Variants in PSD3 observed in about 807,000 individuals in gnomAD.
The protein encoded by PSD3 is PH and SEC7 domain-containing protein 3.
In PSD3, 49 loss-of-function variants were observed where a neutral mutation model predicts 105.5. That is an observed-to-expected ratio of 0.46 (90% CI 0.37 to 0.59). The LOEUF is 0.59. Among genes scored for constraint, PSD3 ranks in the 20% least tolerant of loss-of-function variants. PSD3 has a pLI of 0.00. For missense variants in PSD3, 1,561 were observed against 1,263.8 expected (o/e 1.24, Z -3.57); for synonymous variants, 557 against 457.8 (o/e 1.22, Z -2.77).
intron 1 of PSD3, among the ~76,000 whole-genome samples, chr8:18,993,155 C>T (rs2114496): frequency 0.45 from 67,845 of 151,674 alleles, 15,566 homozygotes; most frequent in Non-Finnish European, 0.51. Context: ...CTGTAGTCCT[C>T]AGAGAAAGAC....
At chr8:18,800,254 T>C (rs1303033826) in intron 7 of PSD3, among the ~76,000 whole-genome samples, 1 of 152,196 alleles carries the variant, frequency 6.6e-6, no homozygotes, top group Non-Finnish European at 1.5e-5. Flanking sequence ...GGCCCACTTT[T>C]ATCTCCTTCA....
intron 1 of PSD3, among the ~76,000 whole-genome samples, chr8:19,073,982 A>G (rs7002112): frequency 0.72 from 109,169 of 151,550 alleles, 39,899 homozygotes; most frequent in East Asian, 0.81. Flanking sequence ...AGTAGAGACG[A>G]GGTTTCACCG....
Position 18,739,043 on chromosome 8 carries a change from G to A in PSD3, c.2172+26406C>T, listed in dbSNP as rs143052920. Among the ~76,000 whole-genome samples, 206 of 152,212 alleles carry A rather than the reference G, an allele frequency of 1.4e-3. No individual in the cohort carries two copies. The Middle Eastern group carries it at 0.014, about 10-fold the overall frequency. On this transcript the variant is annotated intron_variant, in intron 9 of 15. Transcript: ENST00000327040. Reference sequence around the variant, plus strand: ...ACAACTTGGACTAAAGGCGGATTTCGCCTAGTGATTTAATTAATAAACATG... The same window carrying A: ...ACAACTTGGACTAAAGGCGGATTTCACCTAGTGATTTAATTAATAAACATG...
intron 9 of PSD3, chr8:18,720,893 A>T (rs189904171): frequency 2.6e-5 from 4 of 152,238 alleles, no homozygotes; most frequent in African/African-American, 9.6e-5. Context: ...TTCCTATTTG[A>T]TATCACTCTC....
chr8:18,983,356 C>T (rs987174297), intron 1 of PSD3, among the ~76,000 whole-genome samples: 1 of 152,236 alleles, frequency 6.6e-6, no homozygotes, highest in African/African-American at 2.4e-5. Flanking sequence ...CACATATTCA[C>T]TGAAGAAGCA....
intron 9 of PSD3, among the ~76,000 whole-genome samples, chr8:18,747,480 G>A (rs1047136992): frequency 1.3e-5 from 2 of 152,184 alleles, no homozygotes; most frequent in African/African-American, 4.8e-5. Context: ...AACAGGAAGA[G>A]AAAACTACAG....
intron 1 of PSD3, among the ~76,000 whole-genome samples, chr8:19,034,680 T>C (rs1049176058): frequency 6.6e-6 from 1 of 152,194 alleles, no homozygotes; most frequent in Non-Finnish European, 1.5e-5. Flanking sequence ...GTAGCCAGAC[T>C]TGCAGAAGGG....
intron 9 of PSD3, among the ~76,000 whole-genome samples, chr8:18,736,503 A>C (rs184956981): frequency 6.6e-6 from 1 of 152,216 alleles, no homozygotes; most frequent in Non-Finnish European, 1.5e-5. Context: ...ACTGTTTACT[A>C]AAACTAGAGT....
chr8:18,858,034 C>T (rs1279962494), intron 4 of PSD3, among the ~76,000 whole-genome samples: 1 of 152,212 alleles, frequency 6.6e-6, no homozygotes, highest in Non-Finnish European at 1.5e-5. Flanking sequence ...TATTTACCTT[C>T]CCTTGCACCA....
At chr8:18,941,050 T>C (rs956112011) in intron 1 of PSD3, among the ~76,000 whole-genome samples, 4 of 152,200 alleles carry the variant, frequency 2.6e-5, no homozygotes, top group Non-Finnish European at 5.9e-5. Context: ...CTCCAATAAT[T>C]AATGCAGGTC....
At chr8:18,677,048 G>T (rs1318263266) in intron 9 of PSD3, among the ~76,000 whole-genome samples, 3 of 152,196 alleles carry the variant, frequency 2.0e-5, no homozygotes, top group Non-Finnish European at 4.4e-5. Flanking sequence ...AAATTCAAGG[G>T]TCAAGAAATA....
chr8:19,055,933 C>T (rs1332677772), intron 1 of PSD3, among the ~76,000 whole-genome samples: 1 of 152,226 alleles, frequency 6.6e-6, no homozygotes, highest in Non-Finnish European at 1.5e-5. Flanking sequence ...ACACTACTTT[C>T]CCAGGTTATC....
At chr8:18,719,892 T>C (rs2098525206) in intron 9 of PSD3, among the ~76,000 whole-genome samples, 1 of 152,200 alleles carries the variant, frequency 6.6e-6, no homozygotes, top group African/African-American at 2.4e-5. Flanking sequence ...TTCTTTTGTA[T>C]ATCAGGCTCT....
chr8:18,652,109 G>C (rs530717023), intron 10 of PSD3, among the ~76,000 whole-genome samples: 2 of 152,298 alleles, frequency 1.3e-5, no homozygotes, highest in African/African-American at 4.8e-5. Context: ...ATCCAGGTAA[G>C]CCGGAAACGC....
At chr8:18,940,819 C>T (rs924469243) in intron 1 of PSD3, among the ~76,000 whole-genome samples, 1 of 152,188 alleles carries the variant, frequency 6.6e-6, no homozygotes, top group Admixed American at 6.5e-5. Context: ...GCATGGAGAT[C>T]TATCCGTCTT....
intron 15 of PSD3, among the ~76,000 whole-genome samples, chr8:18,544,433 T>C (rs1356210488): frequency 6.6e-6 from 1 of 151,864 alleles, no homozygotes; most frequent in East Asian, 1.9e-4. Flanking sequence ...AGGTTTTTTT[T>C]TTTTTCTTTT....
chr8:19,006,712 C>T (rs568536223), intron 1 of PSD3, among the ~76,000 whole-genome samples: 49 of 152,146 alleles, frequency 3.2e-4, no homozygotes, highest in African/African-American at 1.1e-3. Flanking sequence ...CCACTGGACA[C>T]GGGCACCTTC....
At chr8:18,980,619 C>G (rs1420086803) in intron 1 of PSD3, among the ~76,000 whole-genome samples, 1 of 152,064 alleles carries the variant, frequency 6.6e-6, no homozygotes. Flanking sequence ...TCTCTCCTTT[C>G]TTGCCTCTTT....
At chr8:18,629,560 T>C (rs910104537) in intron 11 of PSD3, among the ~76,000 whole-genome samples, 1 of 151,926 alleles carries the variant, frequency 6.6e-6, no homozygotes, top group Non-Finnish European at 1.5e-5. Flanking sequence ...CCTAACAATA[T>C]ACATGAATCT....
Sources: allele counts gnomAD v4.1 joint callset (sites outside exome capture counted in the v4.1 genomes callset), GRCh38; gene constraint gnomAD v4.1.1; transcripts MANE v1.5; gene names NCBI Gene and HGNC (gene_info 2026-07-23, HGNC 2026-07-21).